IP6K1: variants seen among roughly 807,000 people sequenced by gnomAD.
IP6K1 encodes ATP:1D-myo-inositol-hexakisphosphate phosphotransferase.
IP6K1 carries 13 observed loss-of-function variants against 38.3 expected under a neutral mutation model. The ratio of observed to expected loss-of-function variants is 0.34; its 90% CI spans 0.22 to 0.54. IP6K1 has a LOEUF of 0.54. Among genes scored for constraint, IP6K1 ranks in the 20% least tolerant of loss-of-function variants. The pLI is 0.92. For missense variants in IP6K1, 397 were observed against 599.8 expected (o/e 0.66, Z 3.53); for synonymous variants, 212 against 229.9 (o/e 0.92, Z 0.70).
chr3:49,744,097 T>C (rs549398346), intron 2 of IP6K1, among the ~76,000 whole-genome samples: 1 of 151,782 alleles, frequency 6.6e-6, no homozygotes, highest in East Asian at 2.0e-4. Context: ...TCTATATTTA[T>C]TAATCAAAAT....
intron 2 of IP6K1, among the ~76,000 whole-genome samples, chr3:49,739,124 AAACTTGAGG>A (rs1427065046): frequency 1.3e-5 from 2 of 152,134 alleles, no homozygotes; most frequent in African/African-American, 4.8e-5. Flanking sequence ...ATATATCCAG[AAACTTGAGG>A]AGGAGGTTTT....
In IP6K1 at chr3:49,725,736, A is replaced by T. The variant is rs1351550344; in HGVS notation, c.*1386T>A. 1 of 152,648 alleles carries T rather than the reference A, an allele frequency of 6.6e-6. No homozygotes were observed. Among genetic ancestry groups the T allele is most frequent in the Non-Finnish European group, 1.5e-5 (1 of 68,062 alleles). 9.5% of individuals were successfully genotyped at this position (152,648 alleles called of 1,614,324 possible). A position where few individuals can be genotyped will look rare whatever the true frequency, so the allele number is the denominator to read the frequency against. ...CCATTAAGGGCTGGCAGCCAAAATG[A>T]CTAAAACCATGAGAAAGGAAGGGTC... On this transcript the variant is annotated 3_prime_UTR_variant, in exon 6 of 6. Transcript: ENST00000321599.
chr3:49,757,677 G>A (rs1037988836), intron 1 of IP6K1, among the ~76,000 whole-genome samples: 18 of 151,576 alleles, frequency 1.2e-4, no homozygotes, highest in African/African-American at 4.1e-4. Context: ...CCAAGATTGC[G>A]CCACTACACT....
chr3:49,731,578 A>T (rs1377376225), intron 4 of IP6K1, among the ~76,000 whole-genome samples: 1 of 152,054 alleles, frequency 6.6e-6, no homozygotes, highest in African/African-American at 2.4e-5. Flanking sequence ...CCACTTCCTC[A>T]TCTATAACAT....
intron 1 of IP6K1, among the ~76,000 whole-genome samples, chr3:49,760,068 CT>C (rs1432138097): frequency 6.6e-6 from 1 of 152,036 alleles, no homozygotes; most frequent in African/African-American, 2.4e-5. Flanking sequence ...TTTTCCCTTC[CT>C]TTTTTTTGTA....
At chr3:49,742,484 G>A (rs1393360855) in intron 2 of IP6K1, among the ~76,000 whole-genome samples, 3 of 152,162 alleles carry the variant, frequency 2.0e-5, no homozygotes, top group African/African-American at 7.2e-5. Context: ...GGGAGGCAGA[G>A]CTTGCAGTGA....
intron 1 of IP6K1, among the ~76,000 whole-genome samples, chr3:49,768,841 G>A (rs1257807456): frequency 6.6e-6 from 1 of 152,120 alleles, no homozygotes; most frequent in East Asian, 1.9e-4. Flanking sequence ...AAGGGGCTGG[G>A]GGAGGTGAGA....
At chr3:49,729,173 G>A (rs986887366) in intron 4 of IP6K1, among the ~76,000 whole-genome samples, 1 of 151,718 alleles carries the variant, frequency 6.6e-6, no homozygotes, top group South Asian at 2.1e-4. Flanking sequence ...ACCTTTCCTG[G>A]GTATCTCATA....
chr3:49,742,277 C>T (rs148630594), intron 2 of IP6K1, among the ~76,000 whole-genome samples: 92 of 152,294 alleles, frequency 6.0e-4, no homozygotes, highest in African/African-American at 1.7e-3. Flanking sequence ...AGGCTGGGCA[C>T]GGTGGCTTAC....
chr3:49,731,907 G>GAAAAA (rs1277207284), intron 4 of IP6K1, among the ~76,000 whole-genome samples: 5 of 69,036 alleles, frequency 7.2e-5, no homozygotes, highest in Non-Finnish European at 1.3e-4. Flanking sequence ...AAAAAAAAAG[G>GAAAAA]AATTCCTATG....
At chr3:49,772,075 C>T (rs1229403150) in intron 1 of IP6K1, among the ~76,000 whole-genome samples, 1 of 151,730 alleles carries the variant, frequency 6.6e-6, no homozygotes, top group African/African-American at 2.4e-5. Flanking sequence ...CTGGGTGCAG[C>T]AGTGCACACC....
At chr3:49,768,871 T>C (rs949954012) in intron 1 of IP6K1, among the ~76,000 whole-genome samples, 2 of 152,038 alleles carry the variant, frequency 1.3e-5, no homozygotes, top group African/African-American at 4.8e-5. Flanking sequence ...TACTATATAA[T>C]GGGGAGAGTT....
intron 2 of IP6K1, among the ~76,000 whole-genome samples, chr3:49,744,167 C>T (rs531785186): frequency 6.6e-6 from 1 of 150,914 alleles, no homozygotes; most frequent in Non-Finnish European, 1.5e-5. Flanking sequence ...CTTTGGGAGG[C>T]CGAGGCAGGT....
rs2108215769 is a variant in IP6K1 at position 49,724,974 on chromosome 3, AG to A, written c.*2147del. On this transcript the variant is annotated 3_prime_UTR_variant, in exon 6 of 6. Coordinates refer to ENST00000321599, the MANE Select transcript of IP6K1 (RefSeq NM_153273.4). ...TAAGAAGGCTGGGCCTGGCAGGGACAGGGCTCTCTGGCATGGGGCAGGGAGA... is the reference window on the plus strand; with the variant it reads ...TAAGAAGGCTGGGCCTGGCAGGGACAGGCTCTCTGGCATGGGGCAGGGAGA... The A allele has an allele frequency of 6.5e-6, 1 of 153,014 alleles. No homozygotes were observed. Among genetic ancestry groups the A allele is most frequent in the Admixed American group, 6.5e-5 (1 of 15,280 alleles). 9.5% of individuals were successfully genotyped at this position (153,014 alleles called of 1,614,324 possible). A position where few individuals can be genotyped will look rare whatever the true frequency, so the allele number is the denominator to read the frequency against.
chr3:49,751,415 C>T (rs576044715), intron 1 of IP6K1, among the ~76,000 whole-genome samples: 37 of 152,240 alleles, frequency 2.4e-4, no homozygotes, highest in Non-Finnish European at 3.7e-4. Context: ...CCACCTCAGC[C>T]TCCCACAGTG....
intron 3 of IP6K1, among the ~76,000 whole-genome samples, chr3:49,734,112 TG>T (rs1485524165): frequency 4.6e-5 from 7 of 152,056 alleles, no homozygotes; most frequent in Admixed American, 1.3e-4. Flanking sequence ...CACTCCAGCC[TG>T]GGAAACAGAT....
At chr3:49,737,289 G>A (rs2080621591) in intron 3 of IP6K1, among the ~76,000 whole-genome samples, 1 of 152,068 alleles carries the variant, frequency 6.6e-6, no homozygotes, top group East Asian at 1.9e-4. Context: ...CAGTGTAGGA[G>A]GGTTCCATTT....
At chr3:49,770,566 G>C (rs867495182) in intron 1 of IP6K1, among the ~76,000 whole-genome samples, 10 of 152,112 alleles carry the variant, frequency 6.6e-5, no homozygotes, top group Non-Finnish European at 8.8e-5. Flanking sequence ...AATGGCTTGA[G>C]CCCAGGAAGT....
chr3:49,729,282 T>G (rs981739622), intron 4 of IP6K1, among the ~76,000 whole-genome samples: 31 of 152,244 alleles, frequency 2.0e-4, no homozygotes, highest in African/African-American at 6.8e-4. Context: ...GTATCAAAAT[T>G]TCATTCCTTT....
Sources: gnomAD v4.1 joint callset for allele counts (sites outside exome capture counted in the v4.1 genomes callset) on GRCh38, gnomAD v4.1.1 for gene constraint, MANE v1.5 for transcripts, NCBI Gene and HGNC (gene_info 2026-07-23, HGNC 2026-07-21) for gene names.